Variants in OXTR observed in about 807,000 individuals in gnomAD.
The protein encoded by OXTR is oxytocin receptor.
In OXTR, 19 loss-of-function variants were observed where a neutral mutation model predicts 23.9. That is an observed-to-expected ratio of 0.80 (90% CI 0.56 to 1.17). The LOEUF is 1.17. OXTR is among the 50% of genes most tolerant of loss of function. The pLI, the probability that OXTR is intolerant of heterozygous loss-of-function variation, is 0.00. For missense variants in OXTR, 500 were observed against 550.7 expected, an observed-to-expected ratio of 0.91 and a Z score of 0.92; for synonymous variants, 278 against 250.5, an observed-to-expected ratio of 1.11 and a Z score of -1.04.
chr3:8,742,869 A>T, the OXTR span, among the ~76,000 whole-genome samples: 1 of 152,204 alleles, frequency 6.6e-6, no homozygotes, highest in Non-Finnish European at 1.5e-5. Flanking sequence ...CTATAAAGGA[A>T]TACCTGAGAC....
rs770798571 is a variant in OXTR at position 8,767,391 on chromosome 3, A to G, written c.797T>C (p.Ile266Thr). 2 of 1,612,642 alleles carry G rather than the reference A, an allele frequency of 1.2e-6. No homozygotes were observed. Among genetic ancestry groups the G allele is most frequent in the Non-Finnish European group, 1.7e-6 (2 of 1,179,514 alleles). The change falls in exon 3 of 4, where the codon ATC becomes ACC. Residue 266 changes from isoleucine (I) to threonine (T), a missense_variant. Coordinates refer to ENST00000316793, the MANE Select transcript of OXTR (RefSeq NM_000916.4). ...GACCGTGCGGATCTTGGCCTTGGAGATGAGCTTGACGCTGCTGACACGCGC... is the reference window on the plus strand; with the variant it reads ...GACCGTGCGGATCTTGGCCTTGGAGGTGAGCTTGACGCTGCTGACACGCGC... ...ALARVSSVKLISKAKIRTVKM... is the reference protein window; with the variant it reads ...ALARVSSVKLTSKAKIRTVKM...
chr3:8,741,991 G>A, the OXTR span, among the ~76,000 whole-genome samples: 1 of 152,098 alleles, frequency 6.6e-6, no homozygotes, highest in African/African-American at 2.4e-5. Flanking sequence ...ACTGCACACA[G>A]TGTCCTGAGC....
downstream of OXTR, among the ~76,000 whole-genome samples, chr3:8,749,032 A>C (rs1234048522): frequency 1.3e-5 from 2 of 152,152 alleles, no homozygotes; most frequent in Non-Finnish European, 2.9e-5. Context: ...AACAAGTCTG[A>C]AACTGTAGGG....
downstream of OXTR, among the ~76,000 whole-genome samples, chr3:8,749,105 A>AG (rs1403559295): frequency 6.6e-6 from 1 of 152,170 alleles, no homozygotes; most frequent in Non-Finnish European, 1.5e-5. Flanking sequence ...ACTGAACCCA[A>AG]GGTAGCGTTC....
At chr3:8,760,434 G>T (rs1418981447) in intron 3 of OXTR, among the ~76,000 whole-genome samples, 3 of 152,252 alleles carry the variant, frequency 2.0e-5, no homozygotes, top group African/African-American at 4.8e-5. Context: ...TCACTTGGGG[G>T]TTGACAGATG....
In OXTR at chr3:8,753,118, G is replaced by C. The variant is rs765156573; in HGVS notation, c.1029C>G (p.Arg343=). The C allele has an allele frequency of 6.2e-7, 1 of 1,614,186 alleles. No homozygotes were observed. The highest frequency in any genetic ancestry group is 2.2e-5 in the East Asian group (1 of 44,870). Residue 343 remains arginine, a synonymous_variant, in exon 4 of 4, where the codon CGC becomes CGG. Transcript: ENST00000316793. ...GGTAGCTGGCGGAGCAGCACAGGAA[G>C]CGCTGCACGAGTTCGTGGAAGAGGT... ...TGHLFHELVQ[R]FLCCSASYLK...
chr3:8,765,275 G>A (rs564349563), intron 3 of OXTR, among the ~76,000 whole-genome samples: 5 of 152,236 alleles, frequency 3.3e-5, no homozygotes, highest in Non-Finnish European at 4.4e-5. Context: ...GAAGAGGAGT[G>A]CAAGTGAGGG....
rs1708250831 is a variant in OXTR, at chr3:8,751,212, AT to A, written c.*1764del. ...AAATGTCTATTCAAACCGTTAGCCC[AT>A]TTTTTAAATTGATTTATTTTTCTCC... On this transcript the variant is annotated 3_prime_UTR_variant, in exon 4 of 4. Transcript: ENST00000316793. 1 of 152,142 alleles carries A rather than the reference AT, an allele frequency of 6.6e-6. No homozygotes were observed. Among genetic ancestry groups the A allele is most frequent in the African/African-American group, 2.4e-5 (1 of 41,416 alleles). The allele number at this position is 152,142 out of a possible 1,614,324, so 9.4% of individuals were successfully genotyped here. A position where few individuals can be genotyped will look rare whatever the true frequency, so the allele number is the denominator to read the frequency against.
the OXTR span, among the ~76,000 whole-genome samples, chr3:8,741,365 T>C: frequency 6.6e-6 from 1 of 152,218 alleles, no homozygotes; most frequent in African/African-American, 2.4e-5. Context: ...TCAACTTCTA[T>C]AATTACCTTG....
downstream of OXTR, among the ~76,000 whole-genome samples, chr3:8,749,681 C>T (rs1011029008): frequency 5.9e-5 from 9 of 152,236 alleles, no homozygotes; most frequent in Non-Finnish European, 4.4e-5. Context: ...CTGAGCAATG[C>T]TTTGCAGTCC....
chr3:8,768,367 G>A lies in OXTR; in HGVS notation c.-142-38C>T, dbSNP rs201719244. ...GGGAGGGCCGTGAGGAGACCGCCGC[G>A]TTTCTCTTCCGACGCGGGTAGGGCG... On this transcript the variant is annotated intron_variant, in intron 2 of 3. Coordinates refer to ENST00000316793, the MANE Select transcript of OXTR (RefSeq NM_000916.4). This position sits in a 1 kb window ranked among gnomAD's most constrained non-coding sequence, Gnocchi z 5.4. 372 of 1,005,296 alleles carry A rather than the reference G, an allele frequency of 3.7e-4. 1 individual carries two copies. Among genetic ancestry groups the A allele is most frequent in the Non-Finnish European group, 4.5e-4 (353 of 789,196 alleles). 62.3% of individuals were successfully genotyped at this position (1,005,296 alleles called of 1,614,324 possible). A position where few individuals can be genotyped will look rare whatever the true frequency, so the allele number is the denominator to read the frequency against.
Position 8,767,290 on chromosome 3 carries a change from A to G in OXTR, c.898T>C (p.Trp300Arg). The G allele has an allele frequency of 6.4e-7, 1 of 1,564,508 alleles. No homozygotes were observed. Among genetic ancestry groups the G allele is most frequent in the South Asian group, 1.2e-5 (1 of 83,456 alleles). ...CCTTCCTTGGGCGCGTTGGCATCCC[A>G]GACGCTCCACATCTGCACGAAGAAG... is the stretch of plus-strand genomic sequence containing the variant. ...PFFFVQMWSV[W>R]DANAPKEASA... The change falls in exon 3 of 4, where the codon TGG (tryptophan) becomes CGG (arginine). Residue 300 changes from tryptophan (W) to arginine (R), a missense_variant. Physicochemically the swap from Trp to Arg is moderately radical, Grantham distance 101. Transcript: ENST00000316793.
chr3:8,756,225 T>C (rs917158432), intron 3 of OXTR, among the ~76,000 whole-genome samples: 3 of 152,236 alleles, frequency 2.0e-5, no homozygotes, highest in Non-Finnish European at 4.4e-5. Flanking sequence ...TGTCCTTACA[T>C]TTCACAATGT....
At chr3:8,766,206 C>G (rs929890888) in intron 3 of OXTR, among the ~76,000 whole-genome samples, 5 of 152,280 alleles carry the variant, frequency 3.3e-5, no homozygotes, top group Non-Finnish European at 4.4e-5. Flanking sequence ...GCAATCACCC[C>G]CTCCTGGTCT....
rs1350911763 is a variant in OXTR, at chr3:8,750,846, T to G, written c.*2131A>C. ...CAAATAATGTTGCTATGAACATTGG[T>G]GTACAAGTTTTTGTGTGTATGTACG... On this transcript the variant is annotated 3_prime_UTR_variant, in exon 4 of 4. Transcript: ENST00000316793. The G allele has an allele frequency of 6.6e-6, 1 of 152,246 alleles. No individual in the cohort carries two copies. Among genetic ancestry groups the G allele is most frequent in the African/African-American group, 2.4e-5 (1 of 41,462 alleles). The allele number at this position is 152,246 out of a possible 1,614,324, so 9.4% of individuals were successfully genotyped here.
chr3:8,746,417 CAG>C (rs1348984017), downstream of OXTR: 3 of 153,444 alleles, frequency 2.0e-5, no homozygotes, highest in Non-Finnish European at 2.9e-5. Context: ...AAGTGAAGAA[CAG>C]AGTCTTTTTC....
At chr3:8,742,881 G>A in the OXTR span, among the ~76,000 whole-genome samples, 2 of 152,192 alleles carry the variant, frequency 1.3e-5, no homozygotes, top group East Asian at 3.8e-4. Flanking sequence ...ACCTGAGACT[G>A]GGTAATTTAT....
rs572788793 is a variant in OXTR at position 8,763,106 on chromosome 3, G to A, written c.922+4160C>T. ...ACAAGTAGGGAACAGGACAAGCAGCGTCCCTGCTGTGATAGGGCTCATAGT... is the reference window on the plus strand; with the variant it reads ...ACAAGTAGGGAACAGGACAAGCAGCATCCCTGCTGTGATAGGGCTCATAGT... On this transcript the variant is annotated intron_variant, in intron 3 of 3. Coordinates refer to ENST00000316793, the MANE Select transcript of OXTR (RefSeq NM_000916.4). Among the ~76,000 whole-genome samples, 18 of 152,234 alleles carry A rather than the reference G, an allele frequency of 1.2e-4. No individual in the cohort carries two copies. In the East Asian group the frequency reaches 1.7e-3, roughly 15 times the overall value.
rs1708290545 is a variant in OXTR at position 8,752,793 on chromosome 3, G to T, written c.*184C>A. 4 of 626,058 alleles carry T rather than the reference G, an allele frequency of 6.4e-6. No individual in the cohort carries two copies. The highest frequency in any genetic ancestry group is 1.1e-5 in the Non-Finnish European group (4 of 364,878). The allele number at this position is 626,058 out of a possible 1,614,324, so 38.8% of individuals were successfully genotyped here. ...TAGGAGGCCAGGGTGTTGTCTGATG[G>T]CTGAGTCCCCTATCATCTTCCATCA... On this transcript the variant is annotated 3_prime_UTR_variant, in exon 4 of 4. Coordinates refer to ENST00000316793, the MANE Select transcript of OXTR (RefSeq NM_000916.4).
Sources: allele counts gnomAD v4.1 joint callset (sites outside exome capture counted in the v4.1 genomes callset), GRCh38; gene constraint gnomAD v4.1.1; non-coding constraint Gnocchi (gnomAD v3.1); transcripts MANE v1.5; gene names NCBI Gene and HGNC (gene_info 2026-07-23, HGNC 2026-07-21).